The following PCDHGB2 variants were observed in gnomAD, a reference collection of about 807,000 sequenced individuals.
PCDHGB2 encodes protocadherin gamma-B2.
A neutral mutation model predicts 59.3 loss-of-function variants in PCDHGB2; 55 were observed. The observed-to-expected ratio is 0.93, with a 90% CI of 0.75 to 1.16. PCDHGB2 has a LOEUF of 1.16. PCDHGB2 is among the 50% of genes most tolerant of loss of function. PCDHGB2 has a pLI of 0.00. For synonymous variants in PCDHGB2, 516 were observed against 512.0 expected, an observed-to-expected ratio of 1.01 and a Z score of -0.11; for missense variants, 1,228 against 1,198.5, an observed-to-expected ratio of 1.02 and a Z score of -0.36.
At position 141,410,085 on chromosome 5, in the gene PCDHGB2, C is replaced by G; in HGVS notation, c.2421+47529C>G. 3 of 1,612,476 alleles carry G rather than the reference C, an allele frequency of 1.9e-6. No homozygotes were observed. In the South Asian group the frequency reaches 3.3e-5, roughly 18 times the overall value. On this transcript the variant is annotated intron_variant, in intron 1 of 3. Transcript: ENST00000522605. Reference sequence around the variant, plus strand: ...GGGCTGCGCACTGGGGAGGTGCGCACGGCTCGAGCCTTAGGCGACAGGGAC... The same window carrying G: ...GGGCTGCGCACTGGGGAGGTGCGCAGGGCTCGAGCCTTAGGCGACAGGGAC...
chr5:141,382,110 G>A (rs1480214134), intron 1 of PCDHGB2, among the ~76,000 whole-genome samples: 1 of 151,982 alleles, frequency 6.6e-6, no homozygotes, highest in Non-Finnish European at 1.5e-5. Context: ...TTACAGGCGT[G>A]AGCAACAGCA....
chr5:141,364,645 C>T (rs1036042236), intron 1 of PCDHGB2: 2 of 1,613,960 alleles, frequency 1.2e-6, no homozygotes, highest in African/African-American at 2.7e-5. Context: ...GTGTGGTGAA[C>T]TTTAACATCT....
chr5:141,382,990 A>T, intron 1 of PCDHGB2: 4 of 1,613,412 alleles, frequency 2.5e-6, no homozygotes, highest in Non-Finnish European at 3.4e-6. Context: ...GGCAGGACGT[A>T]TTCTCTACTC....
At chr5:141,394,158 C>T in intron 1 of PCDHGB2, 1 of 1,613,844 alleles carries the variant, frequency 6.2e-7, no homozygotes, top group East Asian at 2.2e-5. Flanking sequence ...TAACGACAAC[C>T]CTCCTACTTT....
At chr5:141,414,753 T>G (rs10041534) in intron 1 of PCDHGB2, 22 of 1,614,088 alleles carry the variant, frequency 1.4e-5, no homozygotes, top group Non-Finnish European at 1.8e-5. Context: ...CCTTCGACTA[T>G]GAGCAGTTTC....
At chr5:141,480,652 A>C (rs1488188393) in intron 1 of PCDHGB2, among the ~76,000 whole-genome samples, 4 of 152,220 alleles carry the variant, frequency 2.6e-5, no homozygotes, top group Non-Finnish European at 5.9e-5. Context: ...TTGGTTGCAC[A>C]TTAAAATCAC....
intron 1 of PCDHGB2, chr5:141,393,440 C>T (rs777552488): frequency 1.7e-5 from 27 of 1,613,924 alleles, no homozygotes; most frequent in Non-Finnish European, 2.3e-5. Context: ...CTGCTCACCA[C>T]CTGGTCCTCA....
rs751177252 is a variant in PCDHGB2 at position 141,415,407 on chromosome 5, T to G, written c.2421+52851T>G. The G allele has an allele frequency of 1.9e-6, 3 of 1,614,086 alleles. No homozygotes were observed. The African/African-American group carries it at 4.0e-5, about 22-fold the overall frequency. ...TGACAGGTGTGTCCGGCTCGCACTTTGTGGGCGTGGACGGGGTTCGGGCTT... is the reference window on the plus strand; with the variant it reads ...TGACAGGTGTGTCCGGCTCGCACTTGGTGGGCGTGGACGGGGTTCGGGCTT... On this transcript the variant is annotated intron_variant, in intron 1 of 3. Transcript: ENST00000522605.
intron 1 of PCDHGB2, among the ~76,000 whole-genome samples, chr5:141,380,336 G>T (rs1221282125): frequency 1.3e-5 from 2 of 152,060 alleles, no homozygotes; most frequent in Non-Finnish European, 2.9e-5. Flanking sequence ...GAACTTCAAA[G>T]AACTGTTTTG....
At chr5:141,364,538 G>A in intron 1 of PCDHGB2, 1 of 1,614,118 alleles carries the variant, frequency 6.2e-7, no homozygotes, top group South Asian at 1.1e-5. Flanking sequence ...CGTCTCCAGA[G>A]GTAGGACGCA....
intron 1 of PCDHGB2, chr5:141,394,806 G>A: frequency 6.2e-7 from 1 of 1,613,852 alleles, no homozygotes; most frequent in Non-Finnish European, 8.5e-7. Flanking sequence ...CGTAGCCGTG[G>A]CTGACAGCAT....
At chr5:141,365,799 C>G (rs755374983) in intron 1 of PCDHGB2, 1 of 1,613,942 alleles carries the variant, frequency 6.2e-7, no homozygotes, top group South Asian at 1.1e-5. Flanking sequence ...GTCACCTACT[C>G]CCTGGCTGAA....
At chr5:141,479,535 G>A (rs539785154) in intron 1 of PCDHGB2, 2 of 152,378 alleles carry the variant, frequency 1.3e-5, no homozygotes, top group Non-Finnish European at 2.9e-5. Context: ...AAGTGGAGAA[G>A]GTCAAAACTG....
intron 1 of PCDHGB2, chr5:141,371,489 C>A (rs548103153): frequency 6.2e-6 from 10 of 1,613,918 alleles, no homozygotes; most frequent in Non-Finnish European, 8.5e-6. Flanking sequence ...TGGGGACTGC[C>A]GTTGCCCTGA....
At chr5:141,371,535 G>C (rs1389993070) in intron 1 of PCDHGB2, 1 of 1,613,716 alleles carries the variant, frequency 6.2e-7, no homozygotes, top group Non-Finnish European at 8.5e-7. Flanking sequence ...ATTTAATGGA[G>C]AAATCCTATG....
chr5:141,364,525 C>T (rs763615712), intron 1 of PCDHGB2: 1 of 1,613,944 alleles, frequency 6.2e-7, no homozygotes, highest in African/African-American at 1.3e-5. Flanking sequence ...GCGGAGTCCG[C>T]ATCGTCTCCA....
At chr5:141,422,997 C>A in intron 1 of PCDHGB2, 3 of 1,614,218 alleles carry the variant, frequency 1.9e-6, no homozygotes, top group Non-Finnish European at 2.5e-6. Flanking sequence ...ACCTGGTGAC[C>A]AAGGTGGTTG....
chr5:141,403,210 C>T lies in PCDHGB2; in HGVS notation c.2421+40654C>T, dbSNP rs369033480. 123 of 1,613,946 alleles carry T rather than the reference C, an allele frequency of 7.6e-5. No homozygotes were observed. In the Middle Eastern group the frequency reaches 1.2e-3, roughly 15 times the overall value. On this transcript the variant is annotated intron_variant, in intron 1 of 3. Coordinates refer to ENST00000522605, the MANE Select transcript of PCDHGB2 (RefSeq NM_018923.3). Reference sequence around the variant, plus strand: ...ACCCGCGCAGCGGCACCTTGGTCACCGCGGGTAGGATAGACCGGGAGGAGC... The same window carrying T: ...ACCCGCGCAGCGGCACCTTGGTCACTGCGGGTAGGATAGACCGGGAGGAGC...
Position 141,489,322 on chromosome 5 carries a change from T to G in PCDHGB2, c.2422-5485T>G. 1.9e-6 allele frequency: 3 copies of G among 1,601,052 alleles called. No homozygotes were observed. The highest frequency in any genetic ancestry group is 2.2e-5 in the East Asian group (1 of 44,726). On this transcript the variant is annotated intron_variant, in intron 1 of 3. Transcript: ENST00000522605. This position sits in a 1 kb window ranked among gnomAD's most constrained non-coding sequence, Gnocchi z 4.5. The stretch of plus-strand genomic sequence containing the variant: ...GTCCTTGTGCTGCTGGGGCTGGGTG[T>G]CTGGGCAGCTTCGTTACTCAGTGGT...
Sources: allele counts gnomAD v4.1 joint callset (sites outside exome capture counted in the v4.1 genomes callset), GRCh38; gene constraint gnomAD v4.1.1; non-coding constraint Gnocchi (gnomAD v3.1); transcripts MANE v1.5; gene names NCBI Gene and HGNC (gene_info 2026-07-23, HGNC 2026-07-21).